The following LMF1 variants were observed in gnomAD, a reference collection of about 807,000 sequenced individuals.
The protein encoded by LMF1 is lipase maturation factor 1, also known as transmembrane protein 112.
A neutral mutation model predicts 60.6 loss-of-function variants in LMF1; 68 were observed. That is an observed-to-expected ratio of 1.12 (90% CI 0.92 to 1.37). The LOEUF (loss-of-function observed/expected upper bound fraction) is 1.37. Among genes scored for constraint, LMF1 ranks in the 40% most tolerant of loss-of-function variants. The pLI, the probability that LMF1 is intolerant of heterozygous loss-of-function variation, is 0.00. For synonymous variants in LMF1, 418 were observed against 324.7 expected (o/e 1.29, Z -3.09); for missense variants, 948 against 767.2 (o/e 1.24, Z -2.78).
Position 970,800 on chromosome 16 carries a change from C to T in LMF1, c.181G>A (p.Ala61Thr), listed in dbSNP as rs1247381557. Residue 61 changes from alanine (A) to threonine (T), a missense_variant, in exon 1 of 11, where the codon GCC (alanine) becomes ACC (threonine). By Grantham distance (58) the Ala-to-Thr change is moderately conservative. Coordinates refer to ENST00000262301, the MANE Select transcript of LMF1 (RefSeq NM_022773.4). ...GCCCGGCACTCACAGTACACGAAGG[C>T]TAGGGCCTTCAGGAGCACGATCCGG... Reference protein sequence around the residue: ...LTRIVLLKALAFVYFVAFLVA... With the variant: ...LTRIVLLKALTFVYFVAFLVA... The T allele has an allele frequency of 8.4e-6, 13 of 1,539,596 alleles. No individual in the cohort carries two copies. The highest frequency in any genetic ancestry group is 3.6e-5 in the South Asian group (3 of 82,472).
chr16:879,814 G>A, intron 5 of LMF1, 77 bp from the exon 6 acceptor site: 1 of 1,427,314 alleles, frequency 7.0e-7, no homozygotes, highest in Non-Finnish European at 9.6e-7. Context: ...GTGGGTCCCT[G>A]GCCCCCTGAC....
chr16:866,590 T>A (rs2069615960), intron 10 of LMF1, among the ~76,000 whole-genome samples: 1 of 152,140 alleles, frequency 6.6e-6, no homozygotes, highest in Non-Finnish European at 1.5e-5. Context: ...AATCTCAGCT[T>A]CCTATTTGGC....
intron 1 of LMF1, among the ~76,000 whole-genome samples, chr16:957,008 T>C (rs1014041472): frequency 6.6e-6 from 1 of 151,538 alleles, no homozygotes; most frequent in African/African-American, 2.4e-5. Context: ...AATACAAAAA[T>C]TAGTCGGATG....
At chr16:950,372 G>A (rs373838477) in intron 2 of LMF1, among the ~76,000 whole-genome samples, 2,859 of 114,814 alleles carry the variant, frequency 0.025, 19 homozygotes, top group African/African-American at 0.029. Flanking sequence ...TCAGGCCAAC[G>A]ACAGAGTCAG....
chr16:979,055 G>A (rs963347192), intron 1 of LMF1: 43 of 453,876 alleles, frequency 9.5e-5, no homozygotes, highest in Middle Eastern at 1.4e-3. Flanking sequence ...CAAGGCCAGC[G>A]TCTGCAGGGC....
At chr16:937,352 C>CT (rs1409221632) in intron 2 of LMF1, among the ~76,000 whole-genome samples, 2 of 152,234 alleles carry the variant, frequency 1.3e-5, no homozygotes, top group Non-Finnish European at 2.9e-5. Flanking sequence ...AACTCAAGTC[C>CT]TTTCCTGGAC....
At chr16:900,710 TGTGTGTGTGTGTGTGTGTG>T (rs2070786633) in intron 4 of LMF1, 3 of 150,780 alleles carry the variant, frequency 2.0e-5, no homozygotes, top group African/African-American at 4.9e-5. Flanking sequence ...TGTGTGTGTG[TGTGTGTGTGTGTGTGTGTG>T]TGTTTTAGTA....
Position 893,023 on chromosome 16 carries a change from A to G in LMF1, c.713T>C (p.Met238Thr), listed in dbSNP as rs370864352. 162 of 1,550,886 alleles carry G rather than the reference A, an allele frequency of 1.0e-4. No homozygotes were observed. Among genetic ancestry groups the G allele is most frequent in the Non-Finnish European group, 1.4e-4 (156 of 1,147,200 alleles). Residue 238 changes from methionine (M) to threonine (T), a missense_variant, in exon 5 of 11, where the codon ATG (methionine) becomes ACG (threonine). Met to Thr is a moderately conservative substitution (Grantham distance 81). Coordinates refer to ENST00000262301, the MANE Select transcript of LMF1 (RefSeq NM_022773.4). ...CACGCTCACCTCATAGTGGAAGTCC[A>G]TGCAGGTGAGGTCTCGCCAGCACCG... ...GDRCWRDLTC[M>T]DFHYETQPMP...
chr16:947,665 C>T (rs1037061815), intron 2 of LMF1: 1 of 450,318 alleles, frequency 2.2e-6, no homozygotes, highest in Admixed American at 2.4e-5. Context: ...GGGGTCGAGA[C>T]AGTGGGGAAG....
At chr16:858,016 T>A (rs543179150) in intron 10 of LMF1, among the ~76,000 whole-genome samples, 173 of 45,702 alleles carry the variant, frequency 3.8e-3, no homozygotes, top group African/African-American at 6.2e-3. Context: ...GAGTGGTGTC[T>A]CGGGATGGGT....
At chr16:894,974 G>A (rs1444793576) in intron 4 of LMF1, among the ~76,000 whole-genome samples, 2 of 152,178 alleles carry the variant, frequency 1.3e-5, no homozygotes, top group African/African-American at 2.4e-5. Flanking sequence ...GGCGGGGTGG[G>A]GATGGCCACG....
chr16:975,201 G>A (rs2073112259), upstream of LMF1, among the ~76,000 whole-genome samples: 1 of 152,220 alleles, frequency 6.6e-6, no homozygotes, highest in East Asian at 1.9e-4. Context: ...CCCAGAAGGA[G>A]ATGCGGCTCC....
At position 962,515 on chromosome 16, in the gene LMF1, G is replaced by A. The variant is rs1597083568; in HGVS notation, c.194-7849C>T. ...TGGCCGGGTGATCAGAAAGCCGTGC[G>A]GACGTCAGGACCCTGATACGGTGTG... is the stretch of plus-strand genomic sequence containing the variant. On this transcript the variant is annotated intron_variant, in intron 1 of 10. Transcript: ENST00000262301. The surrounding 1 kb of genome is among the most constrained non-coding windows in gnomAD (Gnocchi z 4.5). Among the ~76,000 whole-genome samples, 1 of 152,186 alleles carries A rather than the reference G, an allele frequency of 6.6e-6. No individual in the cohort carries two copies. The highest frequency in any genetic ancestry group is 2.4e-5 in the African/African-American group (1 of 41,444).
chr16:870,097 C>A (rs778161766), intron 8 of LMF1, 31 bp from the exon 9 acceptor site: 1 of 1,592,238 alleles, frequency 6.3e-7, no homozygotes, highest in East Asian at 2.2e-5. Context: ...GCCAGGCCCA[C>A]GTCACACACC....
At chr16:915,160 C>T (rs1030978330) in intron 3 of LMF1, among the ~76,000 whole-genome samples, 2 of 152,244 alleles carry the variant, frequency 1.3e-5, no homozygotes, top group Admixed American at 6.5e-5. Context: ...ACCCTAGATC[C>T]GCCTCTGCAG....
At chr16:975,281 T>G (rs963831732), upstream of LMF1, among the ~76,000 whole-genome samples, 9 of 152,104 alleles carry the variant, frequency 5.9e-5, no homozygotes, top group Non-Finnish European at 8.8e-5. Flanking sequence ...TGTGGTGGTG[T>G]TCTCCGGTTG....
At chr16:882,602 A>G (rs576094250) in intron 5 of LMF1, among the ~76,000 whole-genome samples, 4 of 151,186 alleles carry the variant, frequency 2.6e-5, no homozygotes, top group Admixed American at 2.0e-4. Context: ...GGGAGCCCAT[A>G]ACAGGACCAG....
chr16:916,278 A>G (rs954202736), intron 3 of LMF1, among the ~76,000 whole-genome samples: 3 of 152,192 alleles, frequency 2.0e-5, no homozygotes. Context: ...CACGTTAGAA[A>G]CAGGAAATCC....
At chr16:910,805 G>C (rs913074985) in intron 4 of LMF1, 126 bp downstream of exon 4, 12 of 1,237,532 alleles carry the variant, frequency 9.7e-6, no homozygotes, top group Admixed American at 4.1e-5. Flanking sequence ...AGCTGGCCAG[G>C]CCAGGCCGAC....
Sources: allele counts gnomAD v4.1 joint callset (sites outside exome capture counted in the v4.1 genomes callset), GRCh38; gene constraint gnomAD v4.1.1; non-coding constraint Gnocchi (gnomAD v3.1); transcripts MANE v1.5; gene names NCBI Gene and HGNC (gene_info 2026-07-23, HGNC 2026-07-21).